The following EFCAB13 variants were observed in gnomAD, a reference collection of about 807,000 sequenced individuals.
EFCAB13 encodes EF-hand calcium binding domain 13.
EFCAB13 carries 91 observed loss-of-function variants against 110.2 expected under a neutral mutation model. The ratio of observed to expected loss-of-function variants is 0.83; its 90% confidence interval spans 0.70 to 0.98. The LOEUF (loss-of-function observed/expected upper bound fraction) is 0.98. EFCAB13 is among the 50% of genes least tolerant of loss of function. EFCAB13 has a pLI of 0.00. For synonymous variants in EFCAB13, 323 were observed against 369.9 expected (o/e 0.87, Z 1.45); for missense variants, 968 against 1,119.4 (o/e 0.86, Z 1.93).
At chr17:47,389,334 AAGCGTAT>A (rs1162176565) in intron 14 of EFCAB13, among the ~76,000 whole-genome samples, 1 of 152,150 alleles carries the variant, frequency 6.6e-6, no homozygotes, top group Non-Finnish European at 1.5e-5. Flanking sequence ...CTGTACTCCC[AAGCGTAT>A]AGCTCTTTAT....
At chr17:47,364,219 A>G (rs1195955371) in intron 10 of EFCAB13, among the ~76,000 whole-genome samples, 2 of 152,174 alleles carry the variant, frequency 1.3e-5, no homozygotes, top group African/African-American at 4.8e-5. Flanking sequence ...CTACTTCTCT[A>G]TTCCTCATGC....
At position 47,344,191 on chromosome 17, in the gene EFCAB13, G is replaced by A. The variant is rs1270347831; in HGVS notation, c.333G>A (p.Lys111=). 5 of 1,613,098 alleles carry A rather than the reference G, an allele frequency of 3.1e-6. No individual in the cohort carries two copies. Among genetic ancestry groups the A allele is most frequent in the Non-Finnish European group, 4.2e-6 (5 of 1,179,298 alleles). ...TCCCTCCTTTTCTGAAGCTGTCAAA[G>A]GAGAAGGTGACAAGGAAAGAAAACT... ...EIIPPFLKLS[K]EKVTRKENSL... is the part of the protein sequence containing the mutation. The change falls in exon 7 of 25, where the codon AAG becomes AAA. Residue 111 remains lysine, a synonymous_variant. Coordinates refer to ENST00000331493, the MANE Select transcript of EFCAB13 (RefSeq NM_152347.5).
intron 10 of EFCAB13, among the ~76,000 whole-genome samples, chr17:47,366,032 A>G (rs552006010): frequency 6.6e-6 from 1 of 152,316 alleles, no homozygotes; most frequent in East Asian, 1.9e-4. Flanking sequence ...AAGGAATAAT[A>G]TAACACAGTC....
intron 20 of EFCAB13, among the ~76,000 whole-genome samples, chr17:47,408,927 C>A (rs1040582053): frequency 6.6e-6 from 1 of 152,054 alleles, no homozygotes; most frequent in Non-Finnish European, 1.5e-5. Flanking sequence ...TGTAAAATTG[C>A]CCAAACCTAT....
chr17:47,383,765 G>C (rs1043233068), intron 14 of EFCAB13, among the ~76,000 whole-genome samples: 1 of 152,142 alleles, frequency 6.6e-6, no homozygotes, highest in Non-Finnish European at 1.5e-5. Context: ...GATTGGGGGT[G>C]GTCAATTTTA....
chr17:47,437,283 C>G (rs1389841544), intron 24 of EFCAB13, among the ~76,000 whole-genome samples: 1 of 152,018 alleles, frequency 6.6e-6, no homozygotes, highest in African/African-American at 2.4e-5. Context: ...TCCATTTGTT[C>G]CAAGGTATAG....
At chr17:47,354,259 C>G (rs2065468453) in intron 9 of EFCAB13, among the ~76,000 whole-genome samples, 1 of 151,982 alleles carries the variant, frequency 6.6e-6, no homozygotes, top group African/African-American at 2.4e-5. Context: ...TTTTAATTTT[C>G]TTAAATTTGT....
At chr17:47,375,662 G>T (rs1025042798) in intron 12 of EFCAB13, among the ~76,000 whole-genome samples, 5 of 152,078 alleles carry the variant, frequency 3.3e-5, no homozygotes, top group African/African-American at 1.2e-4. Context: ...CTTTCCAGAT[G>T]CCCTCTTTAG....
intron 24 of EFCAB13, among the ~76,000 whole-genome samples, chr17:47,435,231 G>A (rs1905190370): frequency 2.0e-5 from 3 of 152,090 alleles, no homozygotes; most frequent in Admixed American, 2.0e-4. Flanking sequence ...GATATGAATA[G>A]ACAGTTCTCA....
intron 8 of EFCAB13, among the ~76,000 whole-genome samples, chr17:47,346,129 A>T (rs1055537954): frequency 1.4e-4 from 21 of 152,156 alleles, no homozygotes; most frequent in African/African-American, 5.1e-4. Flanking sequence ...TAGGCACAAT[A>T]TTGTACAGTA....
chr17:47,398,297 C>T (rs2065758570), intron 17 of EFCAB13, among the ~76,000 whole-genome samples: 1 of 149,556 alleles, frequency 6.7e-6, no homozygotes. Flanking sequence ...GGCGCCTCTG[C>T]CCGGCCGCCC....
chr17:47,396,041 CTT>C (rs761395276), intron 17 of EFCAB13, 64 bp downstream of exon 17: 14 of 1,410,916 alleles, frequency 9.9e-6, no homozygotes, highest in Non-Finnish European at 1.3e-5. Flanking sequence ...TCTGTCAACT[CTT>C]GTCATTGTAT....
chr17:47,324,808 C>G (rs1286501569), intron 2 of EFCAB13, among the ~76,000 whole-genome samples: 1 of 151,330 alleles, frequency 6.6e-6, no homozygotes, highest in African/African-American at 2.4e-5. Flanking sequence ...CCATTTTCCT[C>G]TCAGCTACTG....
chr17:47,344,928 C>A, intron 7 of EFCAB13, 88 bp from the exon 8 acceptor site: 1 of 964,242 alleles, frequency 1.0e-6, no homozygotes, highest in Non-Finnish European at 1.6e-6. Flanking sequence ...TCTTATGAAT[C>A]TCAGACTATT....
intron 3 of EFCAB13, chr17:47,327,977 C>G (rs1401131578): frequency 2.7e-6 from 1 of 368,010 alleles, no homozygotes; most frequent in African/African-American, 2.1e-5. Context: ...AGCAGTTCTG[C>G]TTCTCAGGGT....
chr17:47,412,675 A>T (rs2065842067), intron 21 of EFCAB13, 98 bp from the exon 22 acceptor site: 1 of 1,201,730 alleles, frequency 8.3e-7, no homozygotes, highest in Non-Finnish European at 1.1e-6. Context: ...TTTGATTCAG[A>T]TAAATATTTA....
chr17:47,400,185 G>C (rs1413188566), intron 17 of EFCAB13, among the ~76,000 whole-genome samples: 1 of 152,182 alleles, frequency 6.6e-6, no homozygotes, highest in Non-Finnish European at 1.5e-5. Context: ...TTGGCAGCAA[G>C]ACTCTGAACT....
chr17:47,423,102 T>A (rs1904775620), intron 23 of EFCAB13, among the ~76,000 whole-genome samples: 1 of 152,204 alleles, frequency 6.6e-6, no homozygotes, highest in Non-Finnish European at 1.5e-5. Flanking sequence ...TGGTGCCTTC[T>A]TTATAGCATT....
intron 12 of EFCAB13, 127 bp from the exon 13 acceptor site, chr17:47,377,639 T>G (rs1309120428): frequency 1.4e-6 from 1 of 730,572 alleles, no homozygotes; most frequent in African/African-American, 1.9e-5. Context: ...AAAAGCAGTC[T>G]TATAAAATCT....
Sources: allele counts gnomAD v4.1 joint callset (sites outside exome capture counted in the v4.1 genomes callset), GRCh38; gene constraint gnomAD v4.1.1; transcripts MANE v1.5; gene names NCBI Gene and HGNC (gene_info 2026-07-23, HGNC 2026-07-21).